Variants in SECISBP2L observed in about 807,000 individuals in gnomAD.
The protein encoded by SECISBP2L is SECIS binding protein 2 like.
In SECISBP2L, 43 loss-of-function variants were observed where a neutral mutation model predicts 114.7. That is an observed-to-expected ratio of 0.38 (90% confidence interval 0.29 to 0.48). The LOEUF is 0.48. Ranked by LOEUF, SECISBP2L falls within the 20% of genes least tolerant of loss-of-function variation. The probability of loss-of-function intolerance (pLI) is 0.98; values close to 1 mark genes in which losing one functional copy is unlikely to be tolerated. For synonymous variants in SECISBP2L, 451 were observed against 439.7 expected (o/e 1.03, Z -0.32); for missense variants, 1,136 against 1,301.1 (o/e 0.87, Z 1.95).
At chr15:49,018,933 A>C (rs1306287409) in intron 8 of SECISBP2L, among the ~76,000 whole-genome samples, 1 of 152,164 alleles carries the variant, frequency 6.6e-6, no homozygotes, top group Non-Finnish European at 1.5e-5. Flanking sequence ...CATATACTAG[A>C]CCACCAGTAA....
intron 7 of SECISBP2L, among the ~76,000 whole-genome samples, chr15:49,026,394 A>G (rs907458106): frequency 6.6e-6 from 1 of 152,212 alleles, no homozygotes; most frequent in Non-Finnish European, 1.5e-5. Context: ...AAACAAAGAA[A>G]TGATCTATGT....
intron 8 of SECISBP2L, 126 bp from the exon 9 acceptor site, chr15:49,017,754 G>A (rs961204480): frequency 2.3e-5 from 14 of 601,316 alleles, no homozygotes; most frequent in Admixed American, 7.8e-5. Context: ...ATTCAAAGTC[G>A]GTCTTAAAGA....
At chr15:49,003,318 T>C (rs1329619330) in intron 14 of SECISBP2L, among the ~76,000 whole-genome samples, 1 of 152,222 alleles carries the variant, frequency 6.6e-6, no homozygotes, top group African/African-American at 2.4e-5. Flanking sequence ...AAGTTGCTTA[T>C]CAGCTTAAGG....
chr15:49,013,011 G>A (rs1902467595), intron 11 of SECISBP2L, 194 bp from the exon 12 acceptor site: 1 of 547,302 alleles, frequency 1.8e-6, no homozygotes, highest in African/African-American at 1.9e-5. Flanking sequence ...CTAAGCCAAT[G>A]CAATTAACCA....
intron 17 of SECISBP2L, among the ~76,000 whole-genome samples, chr15:48,995,273 T>C (rs1185291385): frequency 2.0e-5 from 3 of 152,202 alleles, no homozygotes; most frequent in Non-Finnish European, 4.4e-5. Flanking sequence ...GCACTTTCCC[T>C]TTATCTTCTT....
At chr15:49,026,798 A>T (rs1902752219) in intron 7 of SECISBP2L, among the ~76,000 whole-genome samples, 1 of 152,230 alleles carries the variant, frequency 6.6e-6, no homozygotes, top group Non-Finnish European at 1.5e-5. Context: ...ATGACCATTA[A>T]ACAACTCCCT....
chr15:49,003,424 CTTTA>C (rs1421647159), intron 14 of SECISBP2L, among the ~76,000 whole-genome samples: 2 of 152,124 alleles, frequency 1.3e-5, no homozygotes, highest in Non-Finnish European at 2.9e-5. Flanking sequence ...TTTGAATACC[CTTTA>C]TTTCTTTCTC....
chr15:49,040,367 T>C (rs1903097991), intron 1 of SECISBP2L, among the ~76,000 whole-genome samples: 1 of 152,008 alleles, frequency 6.6e-6, no homozygotes, highest in South Asian at 2.1e-4. Flanking sequence ...ACAGAAGATG[T>C]CACTAGTAGG....
rs147015511 is a variant in SECISBP2L, at chr15:49,043,071, T to C, written c.24+3205A>G. Among the ~76,000 whole-genome samples, 320 of 152,306 alleles carry C rather than the reference T, an allele frequency of 2.1e-3. 3 individuals are homozygous for C. Among genetic ancestry groups the C allele is most frequent in the African/African-American group, 7.4e-3 (308 of 41,566 alleles). On this transcript the variant is annotated intron_variant, in intron 1 of 17. Transcript: ENST00000559471. The stretch of plus-strand genomic sequence containing the variant: ...TGTCTTTTTAAATTTCCAAATGCTA[T>C]TTTCCCTAAATGTATATATTAATAC...
intron 16 of SECISBP2L, among the ~76,000 whole-genome samples, chr15:48,999,432 A>G (rs1042476591): frequency 3.3e-5 from 5 of 152,328 alleles, no homozygotes; most frequent in African/African-American, 1.2e-4. Flanking sequence ...TTTCTAAAGG[A>G]AAATCCCTTC....
chr15:49,031,674 A>C (rs1347029538), intron 4 of SECISBP2L, among the ~76,000 whole-genome samples: 4 of 152,152 alleles, frequency 2.6e-5, no homozygotes, highest in Non-Finnish European at 1.5e-5. Context: ...ATACTGACAG[A>C]ATTAAAATCC....
chr15:48,988,765 C>G lies in SECISBP2L; in HGVS notation c.*3479G>C. The stretch of plus-strand genomic sequence containing the variant: ...CCTTCATACAGCAAAAGATGAAAAT[C>G]CCTTCATGTTATAACTCACACTAAT... On this transcript the variant is annotated 3_prime_UTR_variant, in exon 18 of 18. Coordinates refer to ENST00000559471, the MANE Select transcript of SECISBP2L (RefSeq NM_001193489.2). The G allele has an allele frequency of 3.5e-6, 1 of 287,706 alleles. No individual in the cohort carries two copies. Among genetic ancestry groups the G allele is most frequent in the Non-Finnish European group, 7.0e-6 (1 of 142,708 alleles). 17.8% of individuals were successfully genotyped at this position (287,706 alleles called of 1,614,324 possible).
At chr15:49,041,121 A>T (rs1903120364) in intron 1 of SECISBP2L, among the ~76,000 whole-genome samples, 1 of 152,206 alleles carries the variant, frequency 6.6e-6, no homozygotes, top group Admixed American at 6.5e-5. Context: ...GGAAATAAAT[A>T]TGGAATAAAT....
At chr15:49,016,374 G>T in intron 11 of SECISBP2L, 186 bp downstream of exon 11, 1 of 488,686 alleles carries the variant, frequency 2.0e-6, no homozygotes, top group Non-Finnish European at 3.5e-6. Flanking sequence ...AAGGAGCATG[G>T]ACAATTTCAA....
At chr15:49,024,093 C>G (rs1426612974) in intron 7 of SECISBP2L, among the ~76,000 whole-genome samples, 1 of 151,898 alleles carries the variant, frequency 6.6e-6, no homozygotes, top group Non-Finnish European at 1.5e-5. Context: ...ATCTATATTA[C>G]CCAATGTTAA....
At chr15:49,009,999 G>A (rs1566855332) in intron 13 of SECISBP2L, among the ~76,000 whole-genome samples, 1 of 152,020 alleles carries the variant, frequency 6.6e-6, no homozygotes, top group Non-Finnish European at 1.5e-5. Flanking sequence ...CGGGCGTGGT[G>A]GCACATGCCT....
intron 15 of SECISBP2L, 75 bp from the exon 16 acceptor site, chr15:49,000,062 C>T: frequency 6.7e-7 from 1 of 1,484,084 alleles, no homozygotes; most frequent in Non-Finnish European, 9.2e-7. Flanking sequence ...ATAGCTAAAG[C>T]ATAAAACATC....
At chr15:49,031,052 TTTTTTTTTC>T (rs1192524841) in intron 4 of SECISBP2L, among the ~76,000 whole-genome samples, 2 of 128,652 alleles carry the variant, frequency 1.6e-5, no homozygotes, top group East Asian at 2.1e-4. Flanking sequence ...TTTTTTTTTT[TTTTTTTTTC>T]CCTTTTGAGA....
intron 14 of SECISBP2L, chr15:49,001,775 C>T (rs1902214957): frequency 6.6e-6 from 1 of 152,224 alleles, no homozygotes; most frequent in African/African-American, 2.4e-5. Context: ...ATCCATGTCC[C>T]TGCAAAGAAC....
Sources: gnomAD v4.1 joint callset for allele counts (sites outside exome capture counted in the v4.1 genomes callset) on GRCh38, gnomAD v4.1.1 for gene constraint, MANE v1.5 for transcripts, NCBI Gene and HGNC (gene_info 2026-07-23, HGNC 2026-07-21) for gene names.